The following PGAP1 variants were observed in gnomAD, a reference collection of about 807,000 sequenced individuals.
The protein encoded by PGAP1 is GPI inositol-deacylase.
A neutral mutation model predicts 127.0 loss-of-function variants in PGAP1; 76 were observed. That is an observed-to-expected ratio of 0.60 (90% CI 0.50 to 0.72). The LOEUF (loss-of-function observed/expected upper bound fraction) is 0.72, where lower values mean the gene tolerates loss of function less well. Ranked by LOEUF, PGAP1 falls within the 30% of genes least tolerant of loss-of-function variation. The probability of loss-of-function intolerance (pLI) is 0.00; values close to 1 mark genes in which losing one functional copy is unlikely to be tolerated. For missense variants in PGAP1, 982 were observed against 1,071.3 expected (o/e 0.92, Z 1.16); for synonymous variants, 362 against 366.5 (o/e 0.99, Z 0.14).
At chr2:196,897,307 T>C in intron 6 of PGAP1, 110 bp from the exon 7 acceptor site, 1 of 514,034 alleles carries the variant, frequency 1.9e-6, no homozygotes. Flanking sequence ...CCTTTAGTGC[T>C]CTAAACTCAA....
chr2:196,848,121 A>G, intron 20 of PGAP1, 84 bp from the exon 21 acceptor site: 1 of 822,610 alleles, frequency 1.2e-6, no homozygotes, highest in Non-Finnish European at 1.9e-6. Context: ...AAACAGCAAC[A>G]TATTTTATGT....
At chr2:196,891,207 T>C (rs1321073660) in intron 9 of PGAP1, among the ~76,000 whole-genome samples, 1 of 152,190 alleles carries the variant, frequency 6.6e-6, no homozygotes, top group Non-Finnish European at 1.5e-5. Context: ...TTCTTAGCTC[T>C]GGCCATTGAA....
At chr2:196,880,240 A>G (rs1391479494) in intron 12 of PGAP1, 87 bp from the exon 13 acceptor site, 2 of 832,566 alleles carry the variant, frequency 2.4e-6, no homozygotes, top group Non-Finnish European at 3.6e-6. Context: ...TTTCTTACTT[A>G]ATTCGTTATC....
Position 196,861,347 on chromosome 2 carries a change from G to T in PGAP1, c.1861+3640C>A, listed in dbSNP as rs563066810. On this transcript the variant is annotated intron_variant, in intron 20 of 26. Transcript: ENST00000354764. ...GATAATATCAGGCTAAAAGGCTACT[G>T]CACAGCAAAGGCAACAAACAACAAA... is the stretch of plus-strand genomic sequence containing the variant. Among the ~76,000 whole-genome samples the T allele has an allele frequency of 2.0e-5, 3 of 152,250 alleles. No homozygotes were observed. The South Asian group carries it at 6.2e-4, about 32-fold the overall frequency.
At position 196,837,562 on chromosome 2, in the gene PGAP1, G is replaced by C. The variant is rs563267430; in HGVS notation, c.*3672C>G. ...GATCACATGAGCCAAAGAGTTCAAG[G>C]CTGCAGTGAACTATGACCGCCCCAT... is the stretch of plus-strand genomic sequence containing the variant. On this transcript the variant is annotated 3_prime_UTR_variant, in exon 27 of 27. Transcript: ENST00000354764. The C allele has an allele frequency of 2.0e-5, 3 of 152,268 alleles. No homozygotes were observed. The highest frequency in any genetic ancestry group is 2.1e-4 in the South Asian group (1 of 4,824). The allele number at this position is 152,268 out of a possible 1,614,324, so 9.4% of individuals were successfully genotyped here.
intron 1 of PGAP1, chr2:196,922,446 T>C (rs1222129543): frequency 1.0e-6 from 1 of 980,630 alleles, no homozygotes; most frequent in Non-Finnish European, 1.2e-6. Flanking sequence ...CCCATAAGAA[T>C]AGTTATAGGG....
Position 196,926,481 on chromosome 2 carries a change from G to A in PGAP1, c.136C>T (p.Pro46Ser). 1.9e-6 allele frequency: 3 copies of A among 1,614,056 alleles called. No individual in the cohort carries two copies. Among genetic ancestry groups the A allele is most frequent in the African/African-American group, 1.3e-5 (1 of 75,002 alleles). ...KCSMSYMFEY[P>S]EYQKIELPKK... ...GGGCAGAACCTTACCTGATACTCCG[G>A]GTACTCAAACATGTAGCTCATACTG... The change falls in exon 1 of 27, where the codon CCG becomes TCG. Residue 46 changes from proline to serine, a missense_variant. Pro to Ser is a moderately conservative substitution (Grantham distance 74, BLOSUM62 -1). Coordinates refer to ENST00000354764, the MANE Select transcript of PGAP1 (RefSeq NM_024989.4).
Position 196,916,463 on chromosome 2 carries a change from G to C in PGAP1, c.432C>G (p.Thr144=). 6.2e-7 allele frequency: 1 copy of C among 1,613,018 alleles called. No individual in the cohort carries two copies. The highest frequency in any genetic ancestry group is 8.5e-7 in the Non-Finnish European group (1 of 1,179,558). The change falls in exon 3 of 27, where the codon ACC becomes ACG. Residue 144 remains threonine (T), a synonymous_variant. Transcript: ENST00000354764. ...TTTTAATACATTCATGTACAAACTT[G>C]GTCTGCTTCTGAAGACTTCCACCAT... ...ALYGGSLQKQ[T]KFVHECIKTI...
intron 14 of PGAP1, among the ~76,000 whole-genome samples, chr2:196,875,348 G>A (rs1701530848): frequency 6.6e-6 from 1 of 152,118 alleles, no homozygotes; most frequent in Non-Finnish European, 1.5e-5. Context: ...GGATATACAG[G>A]AACTCTTTTG....
chr2:196,926,364 G>T (rs1703360207), intron 1 of PGAP1, 106 bp downstream of exon 1: 2 of 1,542,608 alleles, frequency 1.3e-6, no homozygotes, highest in South Asian at 1.2e-5. Flanking sequence ...CGGGACAGGG[G>T]GCCCGAGAGG....
chr2:196,877,253 T>C (rs1180359484), intron 13 of PGAP1, among the ~76,000 whole-genome samples: 2 of 152,128 alleles, frequency 1.3e-5, no homozygotes. Flanking sequence ...ATAAATTCCA[T>C]ATTTGCATTT....
chr2:196,902,435 C>T (rs1296708443), intron 5 of PGAP1, 150 bp downstream of exon 5: 7 of 526,524 alleles, frequency 1.3e-5, no homozygotes, highest in South Asian at 4.1e-5. Context: ...TCTCTCTTTC[C>T]CTCTCTCTCT....
rs1700264116 is a variant in PGAP1 at position 196,837,283 on chromosome 2, AG to A, written c.*3950del. 1 of 152,336 alleles carries A rather than the reference AG, an allele frequency of 6.6e-6. No individual in the cohort carries two copies. The highest frequency in any genetic ancestry group is 1.9e-4 in the East Asian group (1 of 5,196). 9.4% of individuals were successfully genotyped at this position (152,336 alleles called of 1,614,324 possible). A position where few individuals can be genotyped will look rare whatever the true frequency, so the allele number is the denominator to read the frequency against. ...TTGGCCACAAAGGGTGCTAATAAAC[AG>A]CAAGATGAAATGAATGCACTATACT... On this transcript the variant is annotated 3_prime_UTR_variant, in exon 27 of 27. Transcript: ENST00000354764.
At chr2:196,902,846 T>C (rs1266517058) in intron 4 of PGAP1, 104 bp from the exon 5 acceptor site, 3 of 755,582 alleles carry the variant, frequency 4.0e-6, no homozygotes, top group Non-Finnish European at 6.1e-6. Flanking sequence ...TTTGCTTAAG[T>C]CATTTCATCT....
chr2:196,852,138 C>T (rs1233241221), intron 20 of PGAP1, among the ~76,000 whole-genome samples: 1 of 152,034 alleles, frequency 6.6e-6, no homozygotes, highest in East Asian at 1.9e-4. Flanking sequence ...ATCTAATTAT[C>T]TTTCACAAAC....
In PGAP1 at chr2:196,916,535, G is replaced by C; in HGVS notation, c.360C>G (p.His120Gln). The part of the protein sequence containing the change: ...RKAEDIDFKY[H>Q]FDFFSVNFNE... ...TGAAGTTCACACTAAAGAAGTCAAA[G>C]TGGTACTTGAAGTCAATGTCCTCTG... is the stretch of plus-strand genomic sequence containing the variant. Residue 120 changes from histidine to glutamine, a missense_variant, in exon 3 of 27, where the codon CAC becomes CAG. Physicochemically the swap from His to Gln is conservative, Grantham distance 24 (BLOSUM62 0). Transcript: ENST00000354764. The C allele has an allele frequency of 1.2e-6, 2 of 1,613,540 alleles. No homozygotes were observed. Among genetic ancestry groups the C allele is most frequent in the Non-Finnish European group, 8.5e-7 (1 of 1,179,758 alleles).
intron 5 of PGAP1, among the ~76,000 whole-genome samples, chr2:196,899,668 T>C (rs1702410245): frequency 6.6e-6 from 1 of 152,240 alleles, no homozygotes; most frequent in African/African-American, 2.4e-5. Flanking sequence ...TGAAAACTGC[T>C]AAATGTCTAC....
intron 20 of PGAP1, among the ~76,000 whole-genome samples, chr2:196,855,538 T>A (rs1375935784): frequency 1.3e-5 from 2 of 152,078 alleles, no homozygotes; most frequent in African/African-American, 4.8e-5. Context: ...GAACAAAAAT[T>A]AATTACATGA....
At chr2:196,875,723 CT>C in intron 14 of PGAP1, 22 bp downstream of exon 14, 1 of 1,355,128 alleles carries the variant, frequency 7.4e-7, no homozygotes, top group Non-Finnish European at 1.0e-6. Flanking sequence ...AATTCTTATG[CT>C]TTCCAAAAAC....
Sources: allele counts gnomAD v4.1 joint callset (sites outside exome capture counted in the v4.1 genomes callset), GRCh38; gene constraint gnomAD v4.1.1; transcripts MANE v1.5; gene names NCBI Gene and HGNC (gene_info 2026-07-23, HGNC 2026-07-21).